WDR64: variants seen among roughly 807,000 people sequenced by gnomAD.
WDR64 encodes the protein WD repeat domain 64.
Under a neutral mutation model 139.3 loss-of-function variants are expected in WDR64, and 112 were observed. That is an observed-to-expected ratio of 0.80 (90% CI 0.69 to 0.94). The LOEUF (loss-of-function observed/expected upper bound fraction) is 0.94. Ranked by LOEUF, WDR64 falls within the 40% of genes least tolerant of loss-of-function variation. The probability of loss-of-function intolerance (pLI) is 0.00; values close to 1 mark genes in which losing one functional copy is unlikely to be tolerated. For synonymous variants in WDR64, 444 were observed against 437.7 expected (o/e 1.01, Z -0.18); for missense variants, 1,206 against 1,293.1 (o/e 0.93, Z 1.03).
chr1:241,736,131 A>C (rs1317149886), intron 10 of WDR64, among the ~76,000 whole-genome samples: 5 of 152,112 alleles, frequency 3.3e-5, no homozygotes, highest in Non-Finnish European at 7.4e-5. Context: ...TGTGGAGCCC[A>C]GGCATGGAGG....
chr1:241,707,969 G>A (rs1242029314), intron 8 of WDR64, among the ~76,000 whole-genome samples: 2 of 152,100 alleles, frequency 1.3e-5, no homozygotes, highest in Non-Finnish European at 2.9e-5. Context: ...TTTACCAGTC[G>A]GCCCTGTCCT....
rs531831784 is a variant in WDR64, at chr1:241,728,041, G to A, written c.1194+4605G>A. Among the ~76,000 whole-genome samples, 4 of 152,114 alleles carry A rather than the reference G, an allele frequency of 2.6e-5. No homozygotes were observed. In the South Asian group the frequency reaches 8.3e-4, roughly 32 times the overall value. On this transcript the variant is annotated intron_variant, in intron 10 of 27. Coordinates refer to ENST00000437684, the MANE Select transcript of WDR64 (RefSeq NM_001367482.1). ...AAAAGGGCAATTTAGGCAGAAAGAA[G>A]AGCAAACTGGGCTGGGTGCCGCAGT...
chr1:241,729,584 T>C (rs1668994132), intron 10 of WDR64, among the ~76,000 whole-genome samples: 1 of 152,212 alleles, frequency 6.6e-6, no homozygotes, highest in Non-Finnish European at 1.5e-5. Context: ...TCTGAAACAA[T>C]TCTCCTCCCA....
chr1:241,711,762 G>T, intron 8 of WDR64, 40 bp from the exon 9 acceptor site: 1 of 1,596,694 alleles, frequency 6.3e-7, no homozygotes, highest in South Asian at 1.1e-5. Context: ...ACTTGATAAA[G>T]AAAAATATAT....
intron 8 of WDR64, among the ~76,000 whole-genome samples, chr1:241,691,638 T>C (rs915089607): frequency 6.6e-6 from 1 of 152,212 alleles, no homozygotes; most frequent in African/African-American, 2.4e-5. Context: ...AGATCAGGTA[T>C]AGCATGTTTG....
intron 8 of WDR64, among the ~76,000 whole-genome samples, chr1:241,697,138 C>G (rs1009567050): frequency 6.6e-6 from 1 of 152,274 alleles, no homozygotes; most frequent in African/African-American, 2.4e-5. Context: ...TTAGCAGAGC[C>G]CTTAGCCTAG....
chr1:241,706,974 G>T (rs1432408492), intron 8 of WDR64, among the ~76,000 whole-genome samples: 1 of 152,104 alleles, frequency 6.6e-6, no homozygotes, highest in African/African-American at 2.4e-5. Flanking sequence ...TGCTTGTTGT[G>T]GTGAACCTGC....
chr1:241,733,284 GGCCAACA>G (rs1381341056), intron 10 of WDR64, among the ~76,000 whole-genome samples: 1 of 152,152 alleles, frequency 6.6e-6, no homozygotes, highest in Non-Finnish European at 1.5e-5. Flanking sequence ...AGACTAGCCT[GGCCAACA>G]TGGTGAAACC....
chr1:241,743,961 G>C lies in WDR64; in HGVS notation c.1471-432G>C, dbSNP rs1384643182. ...AAAGGTCGGTGAGCTCTTTCCTCAG[G>C]GTTCTTCTCTCAGGTCCCATGCTAT... On this transcript the variant is annotated intron_variant, in intron 12 of 27. Coordinates refer to ENST00000437684, the MANE Select transcript of WDR64 (RefSeq NM_001367482.1). Among the ~76,000 whole-genome samples, 4 of 152,172 alleles carry C rather than the reference G, an allele frequency of 2.6e-5. No homozygotes were observed. The East Asian group carries it at 5.8e-4, about 22-fold the overall frequency.
At chr1:241,749,119 T>C (rs1303568477) in intron 13 of WDR64, among the ~76,000 whole-genome samples, 1 of 152,178 alleles carries the variant, frequency 6.6e-6, no homozygotes, top group Non-Finnish European at 1.5e-5. Context: ...TCCTAAAACA[T>C]GTCAGCACAT....
chr1:241,705,163 A>T (rs1466099588), intron 8 of WDR64, among the ~76,000 whole-genome samples: 1 of 152,186 alleles, frequency 6.6e-6, no homozygotes, highest in Non-Finnish European at 1.5e-5. Flanking sequence ...TCACAGGCTC[A>T]CCTTGGGCAA....
intron 9 of WDR64, among the ~76,000 whole-genome samples, chr1:241,712,513 T>C (rs1403262580): frequency 1.3e-5 from 2 of 151,854 alleles, no homozygotes; most frequent in African/African-American, 4.8e-5. Context: ...AATACTGGGG[T>C]TTTAATATCC....
intron 13 of WDR64, among the ~76,000 whole-genome samples, chr1:241,747,499 C>A (rs1253431417): frequency 3.3e-5 from 5 of 152,166 alleles, no homozygotes; most frequent in Non-Finnish European, 4.4e-5. Context: ...AGAAAGTTAA[C>A]AAATTTTGCC....
rs183337587 is a variant in WDR64 at position 241,703,805 on chromosome 1, T to G, written c.975-7997T>G. ...TGGGGAGGCTTCAGGAAACTTACAA[T>G]CATGGCGGAAGGTGAAAGGGAAGCA... is the stretch of plus-strand genomic sequence containing the variant. On this transcript the variant is annotated intron_variant, in intron 8 of 27. Transcript: ENST00000437684. The surrounding 1 kb of genome is among the most constrained non-coding windows in gnomAD (Gnocchi z 5.9). 1.3e-5 allele frequency among the ~76,000 whole-genome samples: 2 copies of G among 152,208 alleles called. No individual in the cohort carries two copies. Among genetic ancestry groups the G allele is most frequent in the Non-Finnish European group, 2.9e-5 (2 of 68,010 alleles).
chr1:241,672,600 G>A (rs1322975418), intron 3 of WDR64, among the ~76,000 whole-genome samples: 2 of 152,182 alleles, frequency 1.3e-5, no homozygotes, highest in African/African-American at 4.8e-5. Context: ...ATAGGGAGAG[G>A]CAGACAATAG....
chr1:241,766,367 T>G lies in WDR64; in HGVS notation c.2081+16T>G. ...TCAAAAAAGTGTAAGTTGTGTATTA[T>G]CCTTAAACAATGTAAAAGCTTTACT... On this transcript the variant is annotated intron_variant, in intron 16 of 27. Transcript: ENST00000437684. The G allele has an allele frequency of 6.2e-7, 1 of 1,612,172 alleles. No homozygotes were observed. Among genetic ancestry groups the G allele is most frequent in the Non-Finnish European group, 8.5e-7 (1 of 1,179,086 alleles).
intron 2 of WDR64, 160 bp downstream of exon 2, chr1:241,660,820 A>G: frequency 1.4e-6 from 1 of 716,572 alleles, no homozygotes; most frequent in Non-Finnish European, 2.3e-6. Context: ...ACTGCCCACA[A>G]ATGAAAGTGG....
rs11326800 is a variant in WDR64 at position 241,694,108 on chromosome 1, C to CA, written c.974+6523dup. ...TTGAGCTGTTTAAATGAAATTCATA[C>CA]AAAAAAAAAAGAGTCACAAAAAATA... On this transcript the variant is annotated intron_variant, in intron 8 of 27. Transcript: ENST00000437684. 3.6e-3 allele frequency among the ~76,000 whole-genome samples: 500 copies of CA among 140,438 alleles called. 4 individuals are homozygous for CA. The highest frequency in any genetic ancestry group is 0.011 in the African/African-American group (427 of 38,898). 92.1% of individuals were successfully genotyped at this position (140,438 alleles called of 152,430 possible). A position where few individuals can be genotyped will look rare whatever the true frequency, so the allele number is the denominator to read the frequency against.
intron 27 of WDR64, among the ~76,000 whole-genome samples, chr1:241,797,879 C>G (rs796346350): frequency 6.6e-6 from 1 of 151,982 alleles, no homozygotes; most frequent in Admixed American, 6.6e-5. Flanking sequence ...ATAATTCATG[C>G]ATTTTATGTC....
Sources: gnomAD v4.1 joint callset for allele counts (sites outside exome capture counted in the v4.1 genomes callset) on GRCh38, gnomAD v4.1.1 for gene constraint, Gnocchi (gnomAD v3.1) non-coding constraint, MANE v1.5 for transcripts, NCBI Gene and HGNC (gene_info 2026-07-23, HGNC 2026-07-21) for gene names.